NRXN3: variants seen among roughly 807,000 people sequenced by gnomAD.
The protein encoded by NRXN3 is neurexin 3.
NRXN3 carries 32 observed loss-of-function variants against 137.6 expected under a neutral mutation model. The ratio of observed to expected loss-of-function variants is 0.23; its 90% CI spans 0.18 to 0.31. NRXN3 has a LOEUF of 0.31. Among genes scored for constraint, NRXN3 ranks in the 10% least tolerant of loss-of-function variants. The probability of loss-of-function intolerance (pLI) is 1.00; values close to 1 mark genes in which losing one functional copy is unlikely to be tolerated. For synonymous variants in NRXN3, 798 were observed against 784.5 expected (o/e 1.02, Z -0.29); for missense variants, 1,574 against 2,062.5 (o/e 0.76, Z 4.59).
At position 79,317,328 on chromosome 14, in the gene NRXN3, T is replaced by C. The variant is rs144759250; in HGVS notation, c.3263-149893T>C. ...CTCTTTCTAACCTCTTTTGATTTGC[T>C]GACAATCTTTGGCATTCTTTGGTTT... is the stretch of plus-strand genomic sequence containing the variant. On this transcript the variant is annotated intron_variant, in intron 15 of 20. Coordinates refer to ENST00000335750, the MANE Select transcript of NRXN3 (RefSeq NM_001330195.2). Among the ~76,000 whole-genome samples, 7 of 152,326 alleles carry C rather than the reference T, an allele frequency of 4.6e-5. No homozygotes were observed. The East Asian group carries it at 1.4e-3, about 29-fold the overall frequency.
intron 10 of NRXN3, among the ~76,000 whole-genome samples, chr14:78,838,383 A>T (rs561507149): frequency 6.6e-6 from 1 of 152,300 alleles, no homozygotes; most frequent in South Asian, 2.1e-4. Context: ...AGATACATAG[A>T]TATTCCTAGT....
rs2073688054 is a variant in NRXN3 at position 79,237,983 on chromosome 14, T to C, written c.3263-229238T>C. Among the ~76,000 whole-genome samples the C allele has an allele frequency of 2.0e-5, 3 of 152,136 alleles. 1 individual carries two copies. The highest frequency in any genetic ancestry group is 4.1e-4 in the South Asian group (2 of 4,826). ...AATAATCAAAAGTGCTAAAATGATATGGTTTTTAATTATGAGGTATTTTTA... is the reference window on the plus strand; with the variant it reads ...AATAATCAAAAGTGCTAAAATGATACGGTTTTTAATTATGAGGTATTTTTA... On this transcript the variant is annotated intron_variant, in intron 15 of 20. Coordinates refer to ENST00000335750, the MANE Select transcript of NRXN3 (RefSeq NM_001330195.2).
chr14:79,354,961 ATTG>A (rs1209370136), intron 15 of NRXN3, among the ~76,000 whole-genome samples: 1 of 152,114 alleles, frequency 6.6e-6, no homozygotes, highest in Admixed American at 6.6e-5. Flanking sequence ...GGTATAGATA[ATTG>A]TTGTTGGTTT....
intron 16 of NRXN3, among the ~76,000 whole-genome samples, chr14:79,532,506 C>T (rs1030965049): frequency 6.6e-6 from 1 of 152,146 alleles, no homozygotes; most frequent in African/African-American, 2.4e-5. Flanking sequence ...ATAACAGGCC[C>T]CTCAGCCTAG....
intron 4 of NRXN3, among the ~76,000 whole-genome samples, chr14:78,457,566 T>C (rs2094783521): frequency 6.6e-6 from 1 of 152,116 alleles, no homozygotes; most frequent in Non-Finnish European, 1.5e-5. Flanking sequence ...TGGCAACACA[T>C]TGTAGTTCTT....
At chr14:79,040,882 G>A (rs2099623940) in intron 15 of NRXN3, among the ~76,000 whole-genome samples, 1 of 152,130 alleles carries the variant, frequency 6.6e-6, no homozygotes, top group Non-Finnish European at 1.5e-5. Context: ...TTTCATTGCA[G>A]GCATGTCTGG....
intron 15 of NRXN3, among the ~76,000 whole-genome samples, chr14:79,209,618 C>T (rs1411849481): frequency 6.6e-6 from 1 of 152,140 alleles, no homozygotes; most frequent in Non-Finnish European, 1.5e-5. Flanking sequence ...GTCTTGTTTT[C>T]ATAGCACTTA....
chr14:79,323,626 G>A (rs557205381), intron 15 of NRXN3, among the ~76,000 whole-genome samples: 6 of 152,238 alleles, frequency 3.9e-5, no homozygotes, highest in African/African-American at 7.2e-5. Flanking sequence ...TTGGGAGGCC[G>A]AGGCAGGCAG....
At chr14:79,061,834 C>T (rs1377100503) in intron 15 of NRXN3, among the ~76,000 whole-genome samples, 2 of 152,238 alleles carry the variant, frequency 1.3e-5, no homozygotes, top group Non-Finnish European at 2.9e-5. Flanking sequence ...TCCCTTATGT[C>T]GGTGGACTAA....
chr14:79,190,523 G>A (rs1333921789), intron 15 of NRXN3, among the ~76,000 whole-genome samples: 2 of 152,120 alleles, frequency 1.3e-5, no homozygotes. Context: ...GGATTCATTA[G>A]GGTCATTGCT....
intron 4 of NRXN3, among the ~76,000 whole-genome samples, chr14:78,369,541 T>C (rs75228298): frequency 0.03 from 4,545 of 152,320 alleles, 276 homozygotes; most frequent in East Asian, 0.29. Flanking sequence ...GTTCCTTCAG[T>C]ATGTATGCTC....
chr14:79,627,941 T>C (rs1348757111), intron 16 of NRXN3, among the ~76,000 whole-genome samples: 2 of 152,198 alleles, frequency 1.3e-5, no homozygotes, highest in South Asian at 2.1e-4. Flanking sequence ...TAAAATTTCA[T>C]TGTAGACTTT....
At chr14:78,939,676 G>A (rs1051825931) in intron 10 of NRXN3, among the ~76,000 whole-genome samples, 1 of 152,040 alleles carries the variant, frequency 6.6e-6, no homozygotes, top group African/African-American at 2.4e-5. Context: ...GCCAGAATGG[G>A]ACCAAAATGG....
At chr14:79,755,483 G>A (rs1603464821) in intron 19 of NRXN3, among the ~76,000 whole-genome samples, 1 of 150,516 alleles carries the variant, frequency 6.6e-6, no homozygotes, top group South Asian at 2.1e-4. Context: ...TTCTATCTTG[G>A]TCTGGAAATA....
chr14:78,522,655 C>T (rs141929170), intron 4 of NRXN3, among the ~76,000 whole-genome samples: 5 of 152,070 alleles, frequency 3.3e-5, no homozygotes, highest in African/African-American at 1.2e-4. Context: ...CATTTGTAGT[C>T]GGGGTTGGGC....
At chr14:78,935,546 A>G (rs917851779) in intron 10 of NRXN3, among the ~76,000 whole-genome samples, 2 of 152,180 alleles carry the variant, frequency 1.3e-5, no homozygotes, top group African/African-American at 4.8e-5. Context: ...ATACAATGAA[A>G]ATGCTATGTA....
chr14:79,004,981 A>G (rs941784945), intron 15 of NRXN3, among the ~76,000 whole-genome samples: 1 of 152,030 alleles, frequency 6.6e-6, no homozygotes, highest in Non-Finnish European at 1.5e-5. Context: ...TGGTGACTTA[A>G]GTTTTCATGT....
intron 8 of NRXN3, among the ~76,000 whole-genome samples, chr14:78,729,459 GA>G (rs1300341478): frequency 6.6e-6 from 1 of 152,172 alleles, no homozygotes; most frequent in Admixed American, 6.5e-5. Context: ...AATACATTGG[GA>G]TGGAAGCTGT....
chr14:78,447,017 C>T (rs1023013296), intron 4 of NRXN3, among the ~76,000 whole-genome samples: 2 of 152,124 alleles, frequency 1.3e-5, no homozygotes, highest in Admixed American at 6.5e-5. Flanking sequence ...AAACACAGAA[C>T]TCTGGGACTC....
Sources: allele counts gnomAD v4.1 joint callset (sites outside exome capture counted in the v4.1 genomes callset), GRCh38; gene constraint gnomAD v4.1.1; transcripts MANE v1.5; gene names NCBI Gene and HGNC (gene_info 2026-07-23, HGNC 2026-07-21).